GPR143: variants seen among roughly 807,000 people sequenced by gnomAD.
GPR143 encodes the protein G-protein coupled receptor 143.
In GPR143, 8 loss-of-function variants were observed where a neutral mutation model predicts 27.6. That is an observed-to-expected ratio of 0.29 (90% confidence interval 0.17 to 0.52). The LOEUF (loss-of-function observed/expected upper bound fraction) is 0.52. Among genes scored for constraint, GPR143 ranks in the 20% least tolerant of loss-of-function variants. The pLI is 0.96. For missense variants in GPR143, 303 were observed against 343.1 expected (o/e 0.88, Z 0.92); for synonymous variants, 156 against 153.2 (o/e 1.02, Z -0.13).
At chrX:9,770,323 A>AGAG (rs2083549800), upstream of GPR143, among the ~76,000 whole-genome samples, 7 of 89,001 alleles carry the variant, frequency 7.9e-5, no homozygotes, top group African/African-American at 3.3e-4. Flanking sequence ...AAGAAAGAAA[A>AGAG]AGAGAGAGAG....
At chrX:9,751,141 C>A (rs1443000067) in intron 3 of GPR143, among the ~76,000 whole-genome samples, 3 of 112,774 alleles carry the variant, frequency 2.7e-5, no homozygotes, top group Non-Finnish European at 3.8e-5. Context: ...ACACGGAAAC[C>A]CTCTGCGGCC....
Position 9,759,432 on chromosome X carries a change from A to G in GPR143, c.361-6T>C, listed in dbSNP as rs2083486765. 3 of 1,144,026 alleles carry G rather than the reference A, an allele frequency of 2.6e-6. No homozygotes were observed. Among genetic ancestry groups the G allele is most frequent in the Non-Finnish European group, 3.6e-6 (3 of 839,955 alleles). The allele number at this position is 1,144,026 out of a possible 1,213,427, so 94.3% of individuals were successfully genotyped here. ...TACAACAGCTGGATCCACATCTGCA[A>G]TCGGGAAGAGCCTGCATCAAAATGT... On this transcript the variant is annotated splice_region_variant and splice_polypyrimidine_tract_variant and intron_variant, in intron 2 of 8. Coordinates refer to ENST00000467482, the MANE Select transcript of GPR143 (RefSeq NM_000273.3).
intron 7 of GPR143, chrX:9,740,855 G>T (rs1402235570): frequency 1.4e-5 from 4 of 289,098 alleles, no homozygotes; most frequent in African/African-American, 1.1e-4. Context: ...CTTTTTCATG[G>T]TCTGAAGCAT....
chrX:9,748,618 G>C lies in GPR143; in HGVS notation c.504C>G (p.Leu168=), dbSNP rs774996374. 3.2e-5 allele frequency: 39 copies of C among 1,208,074 alleles called. No individual in the cohort carries two copies. The highest frequency in any genetic ancestry group is 1.6e-4 in the African/African-American group (9 of 57,321). The change falls in exon 4 of 9, where the codon CTC becomes CTG. Residue 168 remains leucine, a synonymous_variant. Coordinates refer to ENST00000467482, the MANE Select transcript of GPR143 (RefSeq NM_000273.3). The stretch of plus-strand genomic sequence containing the variant: ...AGAGCATGGCGGCTCCCTCCACACA[G>C]AGCAGGGTGGCCAGGCCCCACGCCA... The part of the protein sequence containing the change: ...HIMAWGLATL[L]CVEGAAMLYY...
chrX:9,747,942 A>G (rs73472097), intron 4 of GPR143: 6,286 of 114,270 alleles, frequency 0.055, 451 homozygotes, highest in African/African-American at 0.19. Flanking sequence ...GTCCACTTCC[A>G]TTTTCCAGTT....
At chrX:9,764,862 A>G (rs973067739) in intron 1 of GPR143, among the ~76,000 whole-genome samples, 13 of 109,819 alleles carry the variant, frequency 1.2e-4, no homozygotes, top group African/African-American at 4.0e-4. Flanking sequence ...CTCCGTCTCT[A>G]CTAAAAATAC....
At chrX:9,770,321 AAAAG>A (rs1555917146), upstream of GPR143, among the ~76,000 whole-genome samples, 2 of 88,168 alleles carry the variant, frequency 2.3e-5, no homozygotes, top group African/African-American at 9.7e-5. Context: ...GAAAGAAAGA[AAAAG>A]AGAGAGAGAG....
chrX:9,753,943 C>T (rs190400654), intron 3 of GPR143, among the ~76,000 whole-genome samples: 226 of 111,917 alleles, frequency 2.0e-3, no homozygotes, highest in Non-Finnish European at 3.6e-3. Context: ...TACTTCCATA[C>T]ACCCCACCCC....
intron 8 of GPR143, 30 bp downstream of exon 8, chrX:9,739,455 G>T: frequency 9.3e-7 from 1 of 1,070,863 alleles, no homozygotes; most frequent in East Asian, 3.1e-5. Flanking sequence ...GGACCCCGAA[G>T]TCTACCTGCT....
chrX:9,732,481 A>ATTAG (rs1379303444), intron 8 of GPR143, among the ~76,000 whole-genome samples: 2 of 111,693 alleles, frequency 1.8e-5, no homozygotes, highest in East Asian at 5.6e-4. Context: ...ATGGTGCAGA[A>ATTAG]TTAGTTGTAG....
At chrX:9,768,295 G>A (rs1363544483), upstream of GPR143, among the ~76,000 whole-genome samples, 2 of 112,179 alleles carry the variant, frequency 1.8e-5, no homozygotes, top group Non-Finnish European at 3.8e-5. Flanking sequence ...AGGAGGCTGA[G>A]GCAGGAGGAT....
intron 8 of GPR143, among the ~76,000 whole-genome samples, chrX:9,726,136 G>T (rs2083326248): frequency 1.8e-5 from 2 of 110,914 alleles, no homozygotes; most frequent in African/African-American, 6.6e-5. Flanking sequence ...GATGCTGCAG[G>T]TGACACAACT....
chrX:9,725,761 G>A lies in GPR143; in HGVS notation c.1200C>T (p.Thr400=). The change falls in exon 9 of 9, where the codon ACC becomes ACT. Residue 400 remains threonine, a synonymous_variant. Transcript: ENST00000467482. ...NKNEGDPALP[T]HGDL ...CACATCCCCTTCATAGGTCTCCATG[G>A]GTTGGGAGAGCAGGGTCACCCTCAT... is the stretch of plus-strand genomic sequence containing the variant. 8.3e-7 allele frequency: 1 copy of A among 1,201,253 alleles called. No individual in the cohort carries two copies. The highest frequency in any genetic ancestry group is 1.1e-6 in the Non-Finnish European group (1 of 886,377).
intron 1 of GPR143, among the ~76,000 whole-genome samples, chrX:9,778,161 A>G (rs777035736): frequency 8.9e-6 from 1 of 112,272 alleles, no homozygotes; most frequent in East Asian, 2.8e-4. Context: ...GGATGCATAC[A>G]TTAAGCAGAG....
At chrX:9,755,702 A>T (rs1292049038) in intron 3 of GPR143, among the ~76,000 whole-genome samples, 3 of 111,266 alleles carry the variant, frequency 2.7e-5, no homozygotes, top group African/African-American at 9.8e-5. Context: ...GATGGAAGTC[A>T]CACGATAGGA....
chrX:9,764,500 ACG>A (rs1417002044), intron 1 of GPR143, among the ~76,000 whole-genome samples: 1 of 38,214 alleles, frequency 2.6e-5, no homozygotes, highest in Non-Finnish European at 5.1e-5. Flanking sequence ...GAATTTACAC[ACG>A]CGCACACACA....
At chrX:9,772,092 C>G (rs899934947) in intron 1 of GPR143, among the ~76,000 whole-genome samples, 4 of 111,452 alleles carry the variant, frequency 3.6e-5, no homozygotes, top group African/African-American at 1.3e-4. Context: ...CTCTTGGATT[C>G]TGATGTGTTT....
chrX:9,752,007 G>A (rs1326372470), intron 3 of GPR143, among the ~76,000 whole-genome samples: 1 of 112,850 alleles, frequency 8.9e-6, no homozygotes, highest in Non-Finnish European at 1.9e-5. Context: ...GCTGGATGGA[G>A]AAGATTTTAC....
At chrX:9,731,368 CA>C (rs35048847) in intron 8 of GPR143, among the ~76,000 whole-genome samples, 30,311 of 94,907 alleles carry the variant, frequency 0.32, 4,514 homozygotes, top group East Asian at 0.58. Context: ...GACTCTGTCT[CA>C]AAAAAAAAAA....
Sources: allele counts gnomAD v4.1 joint callset (sites outside exome capture counted in the v4.1 genomes callset), GRCh38; gene constraint gnomAD v4.1.1; transcripts MANE v1.5; gene names NCBI Gene and HGNC (gene_info 2026-07-23, HGNC 2026-07-21).